The following CPED1 variants were observed in gnomAD, a reference collection of about 807,000 sequenced individuals.
CPED1 encodes cadherin like and PC-esterase domain containing 1, also known as cadherin-like and PC-esterase domain-containing protein 1.
A neutral mutation model predicts 128.2 loss-of-function variants in CPED1; 114 were observed. The observed-to-expected ratio is 0.89, with a 90% CI of 0.76 to 1.04. CPED1 has a LOEUF of 1.04. Ranked by LOEUF, CPED1 falls within the 50% of genes least tolerant of loss-of-function variation. The pLI is 0.00. For missense variants in CPED1, 1,211 were observed against 1,207.1 expected, an observed-to-expected ratio of 1.00 and a Z score of -0.05; for synonymous variants, 462 against 426.7, an observed-to-expected ratio of 1.08 and a Z score of -1.02.
intron 16 of CPED1, among the ~76,000 whole-genome samples, chr7:121,228,256 A>G (rs567985413): frequency 2.0e-5 from 3 of 152,064 alleles, no homozygotes; most frequent in Non-Finnish European, 4.4e-5. Flanking sequence ...TGGGGGACTA[A>G]TATCTAGAAT....
intron 7 of CPED1, among the ~76,000 whole-genome samples, chr7:121,118,445 G>A (rs1229897047): frequency 2.6e-5 from 4 of 151,272 alleles, no homozygotes; most frequent in African/African-American, 7.3e-5. Flanking sequence ...CTGTAATCCC[G>A]GCTACTTGGG....
intron 18 of CPED1, among the ~76,000 whole-genome samples, chr7:121,258,299 A>T (rs1021927649): frequency 6.6e-6 from 1 of 152,074 alleles, no homozygotes; most frequent in African/African-American, 2.4e-5. Context: ...CACATATATG[A>T]TCCTTCAAGG....
At chr7:121,293,147 C>A (rs1373804366) in intron 22 of CPED1, among the ~76,000 whole-genome samples, 1 of 152,130 alleles carries the variant, frequency 6.6e-6, no homozygotes, top group Non-Finnish European at 1.5e-5. Flanking sequence ...GGTGCTCTGT[C>A]CCAGGGAGAT....
rs565337308 is a variant in CPED1 at position 121,281,078 on chromosome 7, A to G, written c.2868+9648A>G. Among the ~76,000 whole-genome samples the G allele has an allele frequency of 4.6e-5, 7 of 152,332 alleles. No homozygotes were observed. The East Asian group carries it at 1.4e-3, about 29-fold the overall frequency. On this transcript the variant is annotated intron_variant, in intron 22 of 22. Coordinates refer to ENST00000310396, the MANE Select transcript of CPED1 (RefSeq NM_024913.5). ...AGGACAATTTTGGAACACTTGCACC[A>G]TAAAAATTGTTTTCTATTTTATTCT...
At chr7:121,167,564 TAATG>T (rs536761506) in intron 16 of CPED1, among the ~76,000 whole-genome samples, 282 of 152,256 alleles carry the variant, frequency 1.9e-3, no homozygotes, top group Non-Finnish European at 3.3e-3. Flanking sequence ...TTGAGAAACT[TAATG>T]AAGAGAATAG....
At chr7:121,003,004 A>G (rs938625071) in intron 2 of CPED1, among the ~76,000 whole-genome samples, 3 of 152,214 alleles carry the variant, frequency 2.0e-5, no homozygotes, top group African/African-American at 7.2e-5. Flanking sequence ...GGATCAGGGC[A>G]GAGACCAAGT....
chr7:121,079,542 G>T (rs544041334), intron 5 of CPED1, among the ~76,000 whole-genome samples: 1 of 152,164 alleles, frequency 6.6e-6, no homozygotes, highest in Non-Finnish European at 1.5e-5. Flanking sequence ...TCTTTGTCTC[G>T]CAAAAGATAG....
At chr7:121,148,628 G>A (rs999094381) in intron 16 of CPED1, among the ~76,000 whole-genome samples, 1 of 152,148 alleles carries the variant, frequency 6.6e-6, no homozygotes, top group Non-Finnish European at 1.5e-5. Flanking sequence ...GAAGATGCCA[G>A]ACAGGAAGAA....
chr7:121,035,749 C>A (rs1360432451), intron 3 of CPED1, among the ~76,000 whole-genome samples: 1 of 152,064 alleles, frequency 6.6e-6, no homozygotes, highest in Non-Finnish European at 1.5e-5. Context: ...AGGAGGAACA[C>A]TTGAGTCCAG....
intron 14 of CPED1, among the ~76,000 whole-genome samples, chr7:121,138,063 C>T (rs891431900): frequency 6.6e-6 from 1 of 151,890 alleles, no homozygotes; most frequent in African/African-American, 2.4e-5. Context: ...TTAGTCCTGC[C>T]TGGATCTTTA....
chr7:121,088,511 T>C (rs1190948520), intron 5 of CPED1, among the ~76,000 whole-genome samples: 2 of 150,714 alleles, frequency 1.3e-5, no homozygotes, highest in Non-Finnish European at 3.0e-5. Flanking sequence ...TACAAAAAAT[T>C]AGTTGGGTGT....
chr7:121,106,361 C>T (rs1233811041), intron 7 of CPED1, among the ~76,000 whole-genome samples: 1 of 151,386 alleles, frequency 6.6e-6, no homozygotes, highest in Non-Finnish European at 1.5e-5. Context: ...TGTATATATG[C>T]CTACATATAT....
chr7:121,101,788 G>A (rs1430919060), intron 7 of CPED1, among the ~76,000 whole-genome samples: 4 of 151,926 alleles, frequency 2.6e-5, no homozygotes, highest in Non-Finnish European at 5.9e-5. Flanking sequence ...GAGATGCCAG[G>A]CTCTTAAACC....
At chr7:121,080,710 TAC>T (rs60277044) in intron 5 of CPED1, among the ~76,000 whole-genome samples, 134,202 of 150,954 alleles carry the variant, frequency 0.89, 59,682 homozygotes, top group Middle Eastern at 0.99. Flanking sequence ...ACCTTCATTT[TAC>T]ACACACACAC....
chr7:121,063,397 A>AAAAAAAAAAAAC (rs1793734591), intron 4 of CPED1, among the ~76,000 whole-genome samples: 1 of 150,458 alleles, frequency 6.6e-6, no homozygotes, highest in Non-Finnish European at 1.5e-5. Flanking sequence ...AAAAAAAAAA[A>AAAAAAAAAAAAC]AAAAAGCAAA....
At chr7:121,146,251 A>G (rs1478816798) in intron 16 of CPED1, among the ~76,000 whole-genome samples, 1 of 152,104 alleles carries the variant, frequency 6.6e-6, no homozygotes, top group East Asian at 1.9e-4. Context: ...ATGTCCTCAC[A>G]TGGGGAAAGA....
chr7:121,088,687 T>C (rs915295755), intron 5 of CPED1, among the ~76,000 whole-genome samples: 4 of 141,220 alleles, frequency 2.8e-5, no homozygotes, highest in African/African-American at 1.1e-4. Flanking sequence ...GTCATTTGAA[T>C]GTAACGTCCT....
chr7:121,209,416 A>G (rs1270820909), intron 16 of CPED1, among the ~76,000 whole-genome samples: 1 of 152,048 alleles, frequency 6.6e-6, no homozygotes, highest in Non-Finnish European at 1.5e-5. Flanking sequence ...AGCAATGTCA[A>G]CTTGCTTCAC....
intron 18 of CPED1, among the ~76,000 whole-genome samples, chr7:121,246,239 G>A (rs1247580881): frequency 6.6e-5 from 10 of 152,162 alleles, no homozygotes; most frequent in East Asian, 1.9e-4. Flanking sequence ...GACACGACAC[G>A]TCTTGTTTCT....
Sources: allele counts gnomAD v4.1 joint callset (sites outside exome capture counted in the v4.1 genomes callset), GRCh38; gene constraint gnomAD v4.1.1; transcripts MANE v1.5; gene names NCBI Gene and HGNC (gene_info 2026-07-23, HGNC 2026-07-21).